The following NCKAP5 variants were observed in gnomAD, a reference collection of about 807,000 sequenced individuals.
NCKAP5 encodes NCK associated protein 5, also known as nck-associated protein 5.
NCKAP5 carries 92 observed loss-of-function variants against 167.0 expected under a neutral mutation model. That is an observed-to-expected ratio of 0.55 (90% confidence interval 0.47 to 0.66). The LOEUF is 0.66. NCKAP5 is among the 30% of genes least tolerant of loss of function. NCKAP5 has a pLI of 0.00. For synonymous variants in NCKAP5, 891 were observed against 877.4 expected (o/e 1.02, Z -0.27); for missense variants, 2,378 against 2,315.0 (o/e 1.03, Z -0.56).
At chr2:133,546,691 A>C (rs1430795750) in intron 2 of NCKAP5, among the ~76,000 whole-genome samples, 1 of 152,120 alleles carries the variant, frequency 6.6e-6, no homozygotes, top group Non-Finnish European at 1.5e-5. Context: ...AAAAAACAAA[A>C]CAACAACAAA....
At chr2:132,814,956 A>G (rs1220932539) in intron 11 of NCKAP5, among the ~76,000 whole-genome samples, 1 of 152,172 alleles carries the variant, frequency 6.6e-6, no homozygotes, top group Non-Finnish European at 1.5e-5. Context: ...TGAAGCAGGC[A>G]CCCAGAAGGA....
intron 3 of NCKAP5, among the ~76,000 whole-genome samples, chr2:133,330,412 TATTAAATGTATCAATAA>T (rs1682776712): frequency 6.6e-6 from 1 of 150,780 alleles, no homozygotes. Flanking sequence ...TTTTTTTTCT[TATTAAATGTATCAATAA>T]TTTTTTTATT....
the NCKAP5 span, among the ~76,000 whole-genome samples, chr2:133,646,296 A>G: frequency 1.3e-5 from 2 of 152,162 alleles, no homozygotes; most frequent in African/African-American, 4.8e-5. Context: ...CCATGATAAG[A>G]TCAAATTGTC....
chr2:133,005,834 G>A (rs1211267886), intron 6 of NCKAP5, among the ~76,000 whole-genome samples: 2 of 152,142 alleles, frequency 1.3e-5, no homozygotes, highest in African/African-American at 4.8e-5. Flanking sequence ...ATTCTAATTA[G>A]AGGCCGTTCT....
chr2:132,736,338 T>A (rs1691504592), intron 16 of NCKAP5, among the ~76,000 whole-genome samples: 2 of 152,192 alleles, frequency 1.3e-5, no homozygotes, highest in African/African-American at 4.8e-5. Context: ...GAATTACAAG[T>A]GTTAAGATAT....
chr2:132,943,600 G>C (rs1188452307), intron 8 of NCKAP5, among the ~76,000 whole-genome samples: 1 of 152,212 alleles, frequency 6.6e-6, no homozygotes, highest in Middle Eastern at 3.2e-3. Flanking sequence ...CTGTAAAAAT[G>C]ATGTTGCCGG....
intron 4 of NCKAP5, among the ~76,000 whole-genome samples, chr2:133,248,847 A>G (rs185957567): frequency 2.5e-4 from 38 of 152,200 alleles, no homozygotes; most frequent in Admixed American, 2.4e-3. Flanking sequence ...GGAAAAGTCC[A>G]TTTCTTCCTT....
chr2:133,404,841 A>G (rs144762949), intron 3 of NCKAP5, among the ~76,000 whole-genome samples: 2 of 152,232 alleles, frequency 1.3e-5, no homozygotes, highest in African/African-American at 4.8e-5. Flanking sequence ...TTTAGCCATC[A>G]TTTTTACCCC....
intron 3 of NCKAP5, 143 bp from the exon 4 acceptor site, chr2:133,303,253 C>G (rs1044843684): frequency 5.5e-5 from 34 of 622,266 alleles, no homozygotes; most frequent in African/African-American, 5.3e-4. Context: ...GCTTCTATGA[C>G]TTGCAATCAT....
the NCKAP5 span, among the ~76,000 whole-genome samples, chr2:133,608,247 A>G: frequency 6.6e-6 from 1 of 152,180 alleles, no homozygotes; most frequent in Non-Finnish European, 1.5e-5. Context: ...CTGATGATCA[A>G]ATTGCTCTTC....
chr2:132,837,693 G>A (rs1454713997), intron 11 of NCKAP5, among the ~76,000 whole-genome samples: 1 of 152,052 alleles, frequency 6.6e-6, no homozygotes, highest in East Asian at 1.9e-4. Flanking sequence ...TCAAGTGTCT[G>A]GTAACTTTTG....
chr2:133,538,700 G>A (rs114263762), intron 2 of NCKAP5, among the ~76,000 whole-genome samples: 3,329 of 152,176 alleles, frequency 0.022, 66 homozygotes, highest in Non-Finnish European at 0.033. Context: ...GGAGACAAAG[G>A]CCAGCCAGCT....
At chr2:132,679,909 G>C (rs762495143) in intron 19 of NCKAP5, among the ~76,000 whole-genome samples, 4 of 152,086 alleles carry the variant, frequency 2.6e-5, no homozygotes, top group African/African-American at 9.7e-5. Context: ...TGCTATTTGC[G>C]AAGGGCAGGC....
chr2:132,738,836 G>A (rs1691765442), intron 16 of NCKAP5, among the ~76,000 whole-genome samples: 1 of 151,950 alleles, frequency 6.6e-6, no homozygotes, highest in Admixed American at 6.6e-5. Flanking sequence ...TTAAACAACA[G>A]CTCTCGTGTG....
chr2:133,117,497 T>G (rs2082119423), intron 6 of NCKAP5: 1 of 152,206 alleles, frequency 6.6e-6, no homozygotes, highest in African/African-American at 2.4e-5. Context: ...ACTACCCCAC[T>G]ACTCAATTCT....
intron 3 of NCKAP5, among the ~76,000 whole-genome samples, chr2:133,494,562 A>G (rs1246635235): frequency 1.3e-5 from 2 of 152,170 alleles, no homozygotes; most frequent in African/African-American, 4.8e-5. Flanking sequence ...CTTAGCCAAG[A>G]GCATTCCAAA....
chr2:133,011,909 G>C (rs746955263), intron 6 of NCKAP5, among the ~76,000 whole-genome samples: 2 of 152,102 alleles, frequency 1.3e-5, no homozygotes, highest in Non-Finnish European at 2.9e-5. Flanking sequence ...TTACAGATGC[G>C]GAGGCCCCTG....
chr2:132,740,727 G>A (rs1019011222), intron 16 of NCKAP5, among the ~76,000 whole-genome samples: 1 of 152,042 alleles, frequency 6.6e-6, no homozygotes, highest in Admixed American at 6.6e-5. Flanking sequence ...TAATATAAAT[G>A]TGCTTTCCAA....
chr2:132,897,932 T>A (rs914290168), intron 8 of NCKAP5, among the ~76,000 whole-genome samples: 14 of 152,204 alleles, frequency 9.2e-5, no homozygotes, highest in African/African-American at 3.4e-4. Context: ...GGGTGGTAGC[T>A]ACTTACGGCT....
Sources: gnomAD v4.1 joint callset for allele counts (sites outside exome capture counted in the v4.1 genomes callset) on GRCh38, gnomAD v4.1.1 for gene constraint, MANE v1.5 for transcripts, NCBI Gene and HGNC (gene_info 2026-07-23, HGNC 2026-07-21) for gene names.